Variants in CDH5 observed in about 807,000 individuals in gnomAD.
The protein encoded by CDH5 is cadherin-5.
In CDH5, 28 loss-of-function variants were observed where a neutral mutation model predicts 62.0. The ratio of observed to expected loss-of-function variants is 0.45; its 90% confidence interval spans 0.33 to 0.62. CDH5 has a LOEUF of 0.62. Ranked by LOEUF, CDH5 falls within the 20% of genes least tolerant of loss-of-function variation. CDH5 has a pLI of 0.02. For synonymous variants in CDH5, 464 were observed against 445.8 expected, an observed-to-expected ratio of 1.04 and a Z score of -0.52; for missense variants, 940 against 1,065.1, an observed-to-expected ratio of 0.88 and a Z score of 1.63.
chr16:66,386,002 A>G (rs958720237), intron 2 of CDH5, among the ~76,000 whole-genome samples: 3 of 152,246 alleles, frequency 2.0e-5, no homozygotes, highest in Non-Finnish European at 4.4e-5. Flanking sequence ...CTCATCTTCA[A>G]AAGTGCTGTT....
intron 7 of CDH5, chr16:66,395,310 ATT>A (rs1369563856): frequency 6.6e-6 from 1 of 150,544 alleles, no homozygotes; most frequent in African/African-American, 2.4e-5. Flanking sequence ...GGCAAATCTG[ATT>A]TTTCTTTCCT....
intron 1 of CDH5, among the ~76,000 whole-genome samples, chr16:66,369,977 CTTTTTTGT>C (rs1303621311): frequency 8.0e-6 from 1 of 125,134 alleles, no homozygotes; most frequent in African/African-American, 3.6e-5. Context: ...TCACTGGAGA[CTTTTTTGT>C]TTGTTTGTTT....
Position 66,402,699 on chromosome 16 carries a change from C to A in CDH5, c.1885C>A (p.Arg629Ser), listed in dbSNP as rs745948376. ...GCGGCGGCGGCTCCGGAAGCAGGCC[C>A]GCGCGCACGGCAAGAGCGTGCCGGA... ...FLRRRLRKQA[R>S]AHGKSVPEIH... Residue 629 changes from arginine (R) to serine (S), a missense_variant, in exon 12 of 12, where the codon CGC becomes AGC. Transcript: ENST00000341529. 1.2e-6 allele frequency: 2 copies of A among 1,608,536 alleles called. No individual in the cohort carries two copies. Among genetic ancestry groups the A allele is most frequent in the Non-Finnish European group, 1.7e-6 (2 of 1,178,784 alleles).
chr16:66,381,299 C>T (rs925839903), intron 2 of CDH5, among the ~76,000 whole-genome samples: 6 of 152,246 alleles, frequency 3.9e-5, no homozygotes, highest in Admixed American at 2.6e-4. Flanking sequence ...GGACCTCAGA[C>T]TCTGACCCTC....
intron 2 of CDH5, 38 bp downstream of exon 2, chr16:66,379,585 A>C: frequency 6.3e-7 from 1 of 1,585,052 alleles, no homozygotes; most frequent in Non-Finnish European, 8.7e-7. Flanking sequence ...AGCCATCAGC[A>C]GCTGGCCCAT....
At chr16:66,379,901 A>G (rs1960859872) in intron 2 of CDH5, among the ~76,000 whole-genome samples, 2 of 145,482 alleles carry the variant, frequency 1.4e-5, no homozygotes, top group African/African-American at 5.1e-5. Flanking sequence ...GATCACGGTG[A>G]TGGTGGTGAT....
intron 8 of CDH5, among the ~76,000 whole-genome samples, chr16:66,397,229 T>C (rs1327852308): frequency 6.6e-6 from 1 of 152,218 alleles, no homozygotes; most frequent in Non-Finnish European, 1.5e-5. Context: ...TAATTTTTTT[T>C]TTAAGAGAGA....
At chr16:66,402,559 G>A in intron 11 of CDH5, 93 bp from the exon 12 acceptor site, 1 of 1,124,756 alleles carries the variant, frequency 8.9e-7, no homozygotes, top group Non-Finnish European at 1.2e-6. Flanking sequence ...GGGCGTGGGG[G>A]TGGGGTTGCA....
In CDH5 at chr16:66,386,916, G is replaced by C. The variant is rs758878024; in HGVS notation, c.318G>C (p.Glu106Asp). ...AGACAGGAGACGTGTTCGCCATTGAGAGGCTGGACCGGGAGAATATCTCAG... is the reference window on the plus strand; with the variant it reads ...AGACAGGAGACGTGTTCGCCATTGACAGGCTGGACCGGGAGAATATCTCAG... Reference protein sequence around the residue: ...DAETGDVFAIERLDRENISEY... With the variant: ...DAETGDVFAIDRLDRENISEY... Residue 106 changes from glutamate (E) to aspartate (D), a missense_variant, in exon 3 of 12, where the codon GAG (glutamate) becomes GAC (aspartate). Glu to Asp is a conservative substitution (Grantham distance 45). Coordinates refer to ENST00000341529, the MANE Select transcript of CDH5 (RefSeq NM_001795.5). The C allele has an allele frequency of 8.7e-6, 14 of 1,614,138 alleles. No individual in the cohort carries two copies. Among genetic ancestry groups the C allele is most frequent in the Non-Finnish European group, 1.2e-5 (14 of 1,180,056 alleles).
intron 11 of CDH5, among the ~76,000 whole-genome samples, chr16:66,402,445 G>C (rs1401540601): frequency 5.0e-5 from 6 of 121,178 alleles, no homozygotes; most frequent in Admixed American, 3.2e-4. Flanking sequence ...GGATGGCGGG[G>C]ATGGGGGTAT....
At chr16:66,375,882 G>C (rs1003780096) in intron 1 of CDH5, among the ~76,000 whole-genome samples, 1 of 151,696 alleles carries the variant, frequency 6.6e-6, no homozygotes, top group African/African-American at 2.4e-5. Flanking sequence ...CTGACGCGGC[G>C]GATCGCCTGA....
Position 66,392,339 on chromosome 16 carries a change from C to T in CDH5, c.1173C>T (p.Gly391=). 2 of 1,614,190 alleles carry T rather than the reference C, an allele frequency of 1.2e-6. No homozygotes were observed. The highest frequency in any genetic ancestry group is 1.7e-6 in the Non-Finnish European group (2 of 1,180,034). The part of the protein sequence containing the change: ...LKENQKKPLI[G]TVLAMDPDAA... ...AAAACCAGAAGAAGCCTCTGATTGG[C>T]ACAGTGCTGGCCATGGACCCTGATG... is the stretch of plus-strand genomic sequence containing the variant. The change falls in exon 7 of 12, where the codon GGC becomes GGT. Residue 391 remains glycine, a synonymous_variant. Coordinates refer to ENST00000341529, the MANE Select transcript of CDH5 (RefSeq NM_001795.5).
chr16:66,371,600 G>C (rs1018238653), intron 1 of CDH5, among the ~76,000 whole-genome samples: 1 of 152,164 alleles, frequency 6.6e-6, no homozygotes, highest in African/African-American at 2.4e-5. Flanking sequence ...AGGTCCATGA[G>C]GCCTGCAGAT....
intron 2 of CDH5, among the ~76,000 whole-genome samples, chr16:66,384,989 T>A (rs905223106): frequency 3.3e-5 from 5 of 151,248 alleles, no homozygotes; most frequent in African/African-American, 1.2e-4. Flanking sequence ...AAAAAAGCAA[T>A]GTTGCACTTC....
intron 2 of CDH5, 121 bp from the exon 3 acceptor site, chr16:66,386,688 A>AC: frequency 1.2e-6 from 1 of 821,918 alleles, no homozygotes; most frequent in African/African-American, 1.7e-5. Context: ...GACCCTGGCC[A>AC]GCACCACACA....
chr16:66,398,952 C>T (rs1475243684), intron 10 of CDH5, among the ~76,000 whole-genome samples: 3 of 152,184 alleles, frequency 2.0e-5, no homozygotes, highest in Admixed American at 6.5e-5. Context: ...AAGTCCACGT[C>T]GCCTGCAAGG....
rs775465660 is a variant in CDH5 at position 66,402,841 on chromosome 16, C to G, written c.2027C>G (p.Pro676Arg). 4.7e-5 allele frequency: 75 copies of G among 1,599,730 alleles called. 1 individual carries two copies. Among genetic ancestry groups the G allele is most frequent in the Non-Finnish European group, 6.3e-5 (74 of 1,174,066 alleles). ...VRRGGAKPPR[P>R]ALDARPSLYA... ...CGCGGCGGGGCCAAGCCCCCGCGGCCCGCGCTGGACGCCCGGCCTTCCCTC... is the reference window on the plus strand; with the variant it reads ...CGCGGCGGGGCCAAGCCCCCGCGGCGCGCGCTGGACGCCCGGCCTTCCCTC... Residue 676 changes from proline to arginine, a missense_variant, in exon 12 of 12, where the codon CCC becomes CGC. Transcript: ENST00000341529.
At chr16:66,387,136 T>C (rs1441805409) in intron 3 of CDH5, 39 bp downstream of exon 3, 4 of 1,574,240 alleles carry the variant, frequency 2.5e-6, no homozygotes, top group Non-Finnish European at 3.5e-6. Flanking sequence ...CCCTCCCTCA[T>C]CCCCAGCCTG....
chr16:66,387,054 G>C lies in CDH5; in HGVS notation c.456G>C (p.Thr152=). ...HDVNDNWPVF[T]HRLFNASVPE... is the part of the protein sequence containing the mutation. Reference sequence around the variant, plus strand: ...TGAACGACAACTGGCCTGTGTTCACGCATCGGTTGTTCAATGCGTCCGTGC... The same window carrying C: ...TGAACGACAACTGGCCTGTGTTCACCCATCGGTTGTTCAATGCGTCCGTGC... The change falls in exon 3 of 12, where the codon ACG becomes ACC. Residue 152 remains threonine, a synonymous_variant. Transcript: ENST00000341529. 1.2e-6 allele frequency: 2 copies of C among 1,614,058 alleles called. No homozygotes were observed. Among genetic ancestry groups the C allele is most frequent in the Non-Finnish European group, 1.7e-6 (2 of 1,179,984 alleles).
Sources: allele counts gnomAD v4.1 joint callset (sites outside exome capture counted in the v4.1 genomes callset), GRCh38; gene constraint gnomAD v4.1.1; transcripts MANE v1.5; gene names NCBI Gene and HGNC (gene_info 2026-07-23, HGNC 2026-07-21).